Variants in MDH2 observed in about 807,000 individuals in gnomAD.
MDH2 encodes malate dehydrogenase 2.
A neutral mutation model predicts 33.6 loss-of-function variants in MDH2; 25 were observed. That is an observed-to-expected ratio of 0.74 (90% CI 0.54 to 1.04). The LOEUF (loss-of-function observed/expected upper bound fraction) is 1.04, where lower values mean the gene tolerates loss of function less well. Ranked by LOEUF, MDH2 falls within the 50% of genes least tolerant of loss-of-function variation. MDH2 has a pLI of 0.00. For synonymous variants in MDH2, 193 were observed against 188.7 expected (o/e 1.02, Z -0.19); for missense variants, 432 against 445.0 (o/e 0.97, Z 0.26).
intron 1 of MDH2, among the ~76,000 whole-genome samples, chr7:76,052,078 C>T (rs1385905253): frequency 6.6e-6 from 1 of 152,204 alleles, no homozygotes; most frequent in East Asian, 1.9e-4. Flanking sequence ...CTTCCCCTCC[C>T]TCCCCCATGT....
Position 76,066,334 on chromosome 7 carries a change from A to T in MDH2, c.941A>T (p.Lys314Met), listed in dbSNP as rs782054212. 68 of 1,611,376 alleles carry T rather than the reference A, an allele frequency of 4.2e-5. No homozygotes were observed. Among genetic ancestry groups the T allele is most frequent in the East Asian group, 6.7e-5 (3 of 44,824 alleles). ...GGCAAAGTCTCCTCTTTTGAGGAGA[A>T]GATGATCTCGGATGCCATCCCCGAG... ...GIGKVSSFEE[K>M]MISDAIPELK... The change falls in exon 9 of 9, where the codon AAG becomes ATG. Residue 314 changes from lysine to methionine, a missense_variant. Physicochemically the swap from Lys to Met is moderately conservative, Grantham distance 95. Coordinates refer to ENST00000315758, the MANE Select transcript of MDH2 (RefSeq NM_005918.4).
chr7:76,067,313 G>C lies in MDH2; in HGVS notation c.*903G>C, dbSNP rs1554588108. On this transcript the variant is annotated 3_prime_UTR_variant, in exon 9 of 9. Coordinates refer to ENST00000315758, the MANE Select transcript of MDH2 (RefSeq NM_005918.4). ...GAATAGGCAATGGCCTTCAGTGGAAGAGGGAGGGCTGGAGGTGTGCCCAGT... is the reference window on the plus strand; with the variant it reads ...GAATAGGCAATGGCCTTCAGTGGAACAGGGAGGGCTGGAGGTGTGCCCAGT... The C allele has an allele frequency of 1.3e-5, 2 of 152,356 alleles. No individual in the cohort carries two copies. Among genetic ancestry groups the C allele is most frequent in the Admixed American group, 6.5e-5 (1 of 15,304 alleles). The allele number at this position is 152,356 out of a possible 1,614,324, so 9.4% of individuals were successfully genotyped here.
chr7:76,058,651 C>A lies in MDH2; in HGVS notation c.429+573C>A, dbSNP rs115144356. On this transcript the variant is annotated intron_variant, in intron 4 of 8. Transcript: ENST00000315758. ...CAAGATACTATAATAAAAGTTATTTCTTTCCCTTTAGTCAGGAACTTCCAC... is the reference window on the plus strand; with the variant it reads ...CAAGATACTATAATAAAAGTTATTTATTTCCCTTTAGTCAGGAACTTCCAC... 4.1e-3 allele frequency among the ~76,000 whole-genome samples: 622 copies of A among 152,336 alleles called. 8 individuals are homozygous for A. Among genetic ancestry groups the A allele is most frequent in the African/African-American group, 0.014 (589 of 41,574 alleles).
intron 1 of MDH2, 57 bp downstream of exon 1, chr7:76,048,283 G>T (rs543884394): frequency 6.6e-7 from 1 of 1,511,028 alleles, no homozygotes; most frequent in Non-Finnish European, 8.8e-7. Flanking sequence ...GGCCACGTGC[G>T]TCCCCGGTTC....
chr7:76,049,092 GTAA>G (rs1380980955), intron 1 of MDH2: 23 of 985,274 alleles, frequency 2.3e-5, no homozygotes, highest in Non-Finnish European at 2.8e-5. Context: ...CAAGAGGGAG[GTAA>G]TTTTAAAGGG....
At chr7:76,048,314 C>T in intron 1 of MDH2, 88 bp downstream of exon 1, 1 of 1,469,914 alleles carries the variant, frequency 6.8e-7, no homozygotes, top group Non-Finnish European at 9.0e-7. Context: ...CTGACCCTCT[C>T]CAGGCCAGCC....
intron 1 of MDH2, among the ~76,000 whole-genome samples, chr7:76,054,295 T>C (rs1797707153): frequency 6.6e-6 from 1 of 152,204 alleles, no homozygotes; most frequent in Non-Finnish European, 1.5e-5. Flanking sequence ...ACAAGTTTGC[T>C]GCCTGGATGA....
At chr7:76,049,978 C>T (rs182621250) in intron 1 of MDH2, among the ~76,000 whole-genome samples, 1,526 of 152,018 alleles carry the variant, frequency 0.01, 23 homozygotes, top group African/African-American at 0.035. Flanking sequence ...ACTACAGGCG[C>T]GCACCACCGT....
Position 76,063,488 on chromosome 7 carries a change from C to T in MDH2, c.556-27C>T, listed in dbSNP as rs199857101. Reference sequence around the variant, plus strand: ...TTTACAGTGAAAGAGCTTGTTAACTCATCCAGCTTCATACTTTGGTCACCA... The same window carrying T: ...TTTACAGTGAAAGAGCTTGTTAACTTATCCAGCTTCATACTTTGGTCACCA... On this transcript the variant is annotated intron_variant, in intron 5 of 8. Coordinates refer to ENST00000315758, the MANE Select transcript of MDH2 (RefSeq NM_005918.4). 5.0e-6 allele frequency: 8 copies of T among 1,607,652 alleles called. No individual in the cohort carries two copies. In the African/African-American group the frequency reaches 5.3e-5, roughly 11 times the overall value.
chr7:76,057,601 A>C (rs763252040), intron 3 of MDH2, 108 bp downstream of exon 3: 70 of 1,105,120 alleles, frequency 6.3e-5, no homozygotes, highest in Non-Finnish European at 9.2e-5. Context: ...TGTAGGAAAA[A>C]TGTCACCAGC....
rs1554587656 is a variant in MDH2 at position 76,064,940 on chromosome 7, C to T, written c.872C>T (p.Pro291Leu). The change falls in exon 8 of 9, where the codon CCG becomes CTG. Residue 291 changes from proline (P) to leucine (L), a missense_variant. Pro to Leu is a moderately conservative substitution (Grantham distance 98). Transcript: ENST00000315758. ...QETECTYFST[P>L]LLLGKKGIEK... ...ACGGAATGTACCTACTTCTCCACAC[C>T]GCTGCTGCTTGGGGTACGTATCCAG... 9 of 1,614,136 alleles carry T rather than the reference C, an allele frequency of 5.6e-6. No individual in the cohort carries two copies. Among genetic ancestry groups the T allele is most frequent in the Admixed American group, 5.0e-5 (3 of 60,020 alleles).
intron 2 of MDH2, among the ~76,000 whole-genome samples, chr7:76,055,946 A>G (rs1353032801): frequency 6.6e-6 from 1 of 150,954 alleles, no homozygotes; most frequent in Non-Finnish European, 1.5e-5. Flanking sequence ...TCCTGCCTCA[A>G]CCTCCCGAGT....
chr7:76,050,450 T>C (rs1441745386), intron 1 of MDH2, among the ~76,000 whole-genome samples: 5 of 152,210 alleles, frequency 3.3e-5, no homozygotes, highest in African/African-American at 9.6e-5. Context: ...GGGATATGTC[T>C]CAGGATGTAG....
At chr7:76,057,752 C>T (rs903030121) in intron 3 of MDH2, among the ~76,000 whole-genome samples, 4 of 152,152 alleles carry the variant, frequency 2.6e-5, no homozygotes, top group African/African-American at 4.8e-5. Context: ...TAATAAACCT[C>T]GACGGTCCTT....
rs115088708 is a variant in MDH2 at position 76,053,763 on chromosome 7, C to T, written c.67-1067C>T. On this transcript the variant is annotated intron_variant, in intron 1 of 8. Coordinates refer to ENST00000315758, the MANE Select transcript of MDH2 (RefSeq NM_005918.4). ...GGTAGCTGCCTGCCTGCCTGCCTGCCAGGGATCGGCTGTGCTTCTCATTTG... is the reference window on the plus strand; with the variant it reads ...GGTAGCTGCCTGCCTGCCTGCCTGCTAGGGATCGGCTGTGCTTCTCATTTG... Among the ~76,000 whole-genome samples, 1,071 of 152,232 alleles carry T rather than the reference C, an allele frequency of 7.0e-3. 19 individuals carry two copies. The highest frequency in any genetic ancestry group is 0.024 in the African/African-American group (1,000 of 41,522).
intron 2 of MDH2, among the ~76,000 whole-genome samples, chr7:76,056,972 C>T (rs1047318804): frequency 2.0e-5 from 3 of 151,718 alleles, no homozygotes; most frequent in Non-Finnish European, 2.9e-5. Flanking sequence ...AAGATCACAC[C>T]ACTGCACTCC....
chr7:76,057,606 A>T, intron 3 of MDH2, 113 bp downstream of exon 3: 1 of 1,040,656 alleles, frequency 9.6e-7, no homozygotes, highest in Non-Finnish European at 1.4e-6. Context: ...GAAAAATGTC[A>T]CCAGCTCCCC....
chr7:76,064,525 C>T (rs185791905), intron 7 of MDH2, 87 bp downstream of exon 7: 49 of 1,186,472 alleles, frequency 4.1e-5, no homozygotes, highest in Admixed American at 6.9e-5. Flanking sequence ...TGTCCCTGGG[C>T]ATGGACGATC....
At chr7:76,051,661 A>G (rs1797630509) in intron 1 of MDH2, among the ~76,000 whole-genome samples, 1 of 152,204 alleles carries the variant, frequency 6.6e-6, no homozygotes, top group South Asian at 2.1e-4. Flanking sequence ...GGAAGCACAT[A>G]GCCCCAATGT....
Sources: allele counts gnomAD v4.1 joint callset (sites outside exome capture counted in the v4.1 genomes callset), GRCh38; gene constraint gnomAD v4.1.1; transcripts MANE v1.5; gene names NCBI Gene and HGNC (gene_info 2026-07-23, HGNC 2026-07-21).